DROSHA: variants seen among roughly 807,000 people sequenced by gnomAD.
The protein encoded by DROSHA is drosha ribonuclease III.
A neutral mutation model predicts 181.9 loss-of-function variants in DROSHA; 56 were observed. The observed-to-expected ratio is 0.31, with a 90% confidence interval of 0.25 to 0.38. The LOEUF is 0.38. Among genes scored for constraint, DROSHA ranks in the 10% least tolerant of loss-of-function variants. The pLI is 1.00. For missense variants in DROSHA, 1,218 were observed against 1,743.5 expected, an observed-to-expected ratio of 0.70 and a Z score of 5.37; for synonymous variants, 524 against 591.2, an observed-to-expected ratio of 0.89 and a Z score of 1.65.
At chr5:31,528,993 C>G (rs1489072548) in intron 4 of DROSHA, 47 bp downstream of exon 4, 7 of 1,609,822 alleles carry the variant, frequency 4.3e-6, no homozygotes, top group Non-Finnish European at 5.9e-6. Context: ...ATGTCTGCTC[C>G]TCTCTCGGTT....
chr5:31,438,010 A>T (rs1417912257), intron 23 of DROSHA, among the ~76,000 whole-genome samples: 1 of 152,242 alleles, frequency 6.6e-6, no homozygotes, highest in African/African-American at 2.4e-5. Context: ...GCCCCTCATC[A>T]AAATTAATAC....
rs1235849527 is a variant in DROSHA, at chr5:31,478,452, C to A, written c.2071+5102G>T. On this transcript the variant is annotated intron_variant, in intron 16 of 35. Transcript: ENST00000344624. ...CTAAACTGTAAAAGACTAGTAACAT[C>A]CTGGCCAGGTGTGATGGCTCACGCC... 3.9e-5 allele frequency among the ~76,000 whole-genome samples: 6 copies of A among 152,182 alleles called. No individual in the cohort carries two copies. In the East Asian group the frequency reaches 1.2e-3, roughly 29 times the overall value.
At chr5:31,456,138 G>A (rs1386804054) in intron 20 of DROSHA, among the ~76,000 whole-genome samples, 1 of 152,116 alleles carries the variant, frequency 6.6e-6, no homozygotes, top group African/African-American at 2.4e-5. Flanking sequence ...CTTGAGGAAT[G>A]TTTTAGAAAA....
intron 10 of DROSHA, chr5:31,505,882 C>G (rs1379785937): frequency 2.0e-5 from 3 of 151,664 alleles, no homozygotes. Context: ...ATATAAAAGT[C>G]AATAAGACTT....
At chr5:31,402,613 C>T (rs1388123133) in intron 35 of DROSHA, among the ~76,000 whole-genome samples, 2 of 152,050 alleles carry the variant, frequency 1.3e-5, no homozygotes. Flanking sequence ...GGGTCAGGTA[C>T]CCCCATGGAT....
chr5:31,482,088 G>A (rs571372842), intron 16 of DROSHA, among the ~76,000 whole-genome samples: 14 of 152,284 alleles, frequency 9.2e-5, no homozygotes, highest in African/African-American at 3.4e-4. Context: ...TTCTGCCCAT[G>A]GGAAGACAGG....
chr5:31,493,937 TTGTGTGTG>T lies in DROSHA; in HGVS notation c.1756-652_1756-645del, dbSNP rs67311624. Among the ~76,000 whole-genome samples, 113 of 144,720 alleles carry T rather than the reference TTGTGTGTG, an allele frequency of 7.8e-4. 1 individual carries two copies. The highest frequency in any genetic ancestry group is 9.6e-4 in the Non-Finnish European group (64 of 66,764). The allele number at this position is 144,720 out of a possible 152,430, so 94.9% of individuals were successfully genotyped here. ...CTTATGCCATTCTTATAACCCACCA[TTGTGTGTG>T]TGTGTGTGTGTGTGTGTGTGTGTGT... On this transcript the variant is annotated intron_variant, in intron 12 of 35. Transcript: ENST00000344624.
rs531619497 is a variant in DROSHA at position 31,486,805 on chromosome 5, G to A, written c.1843-243C>T. 7 of 368,588 alleles carry A rather than the reference G, an allele frequency of 1.9e-5. No homozygotes were observed. In the South Asian group the frequency reaches 3.9e-4, roughly 20 times the overall value. The allele number at this position is 368,588 out of a possible 1,614,324, so 22.8% of individuals were successfully genotyped here. A position where few individuals can be genotyped will look rare whatever the true frequency, so the allele number is the denominator to read the frequency against. ...TGGTGCTTAATTAACAGTATTAGCA[G>A]CAGCAACACAAACATGACAAGAACC... On this transcript the variant is annotated intron_variant, in intron 13 of 35. Coordinates refer to ENST00000344624, the MANE Select transcript of DROSHA (RefSeq NM_001382508.1).
At chr5:31,455,297 GAAGT>G (rs1747521076) in intron 20 of DROSHA, among the ~76,000 whole-genome samples, 1 of 152,028 alleles carries the variant, frequency 6.6e-6, no homozygotes, top group Non-Finnish European at 1.5e-5. Context: ...TAAGATGCAA[GAAGT>G]AATTACTACT....
chr5:31,477,443 C>T (rs184087856), intron 16 of DROSHA, among the ~76,000 whole-genome samples: 85 of 152,244 alleles, frequency 5.6e-4, no homozygotes, highest in African/African-American at 1.9e-3. Context: ...TTCTAAAATA[C>T]GTATTAACAA....
chr5:31,521,663 T>C (rs908314794), intron 5 of DROSHA, among the ~76,000 whole-genome samples: 3 of 152,204 alleles, frequency 2.0e-5, no homozygotes, highest in Non-Finnish European at 4.4e-5. Context: ...ATGAAAGAGC[T>C]CTTAATGCTT....
chr5:31,473,198 G>T (rs1439590822), intron 16 of DROSHA, among the ~76,000 whole-genome samples: 1 of 152,188 alleles, frequency 6.6e-6, no homozygotes, highest in African/African-American at 2.4e-5. Context: ...GGCAGCAATG[G>T]GATGGCACAA....
rs1201857007 is a variant in DROSHA at position 31,463,150 on chromosome 5, C to T, written c.2574+1086G>A. Among the ~76,000 whole-genome samples, 4 of 152,258 alleles carry T rather than the reference C, an allele frequency of 2.6e-5. No homozygotes were observed. The East Asian group carries it at 5.8e-4, about 22-fold the overall frequency. On this transcript the variant is annotated intron_variant, in intron 20 of 35. Coordinates refer to ENST00000344624, the MANE Select transcript of DROSHA (RefSeq NM_001382508.1). The stretch of plus-strand genomic sequence containing the variant: ...TAAAATATTCATCTGAAAGTACTGA[C>T]AGTCATAAGATATTTGTCAATCGGT...
chr5:31,437,347 C>CGGGGGGGGGGGGGGGG, intron 23 of DROSHA, 49 bp from the exon 24 acceptor site: 1 of 1,480,590 alleles, frequency 6.8e-7, no homozygotes, highest in Non-Finnish European at 9.1e-7. Flanking sequence ...TTAACACTCC[C>CGGGGGGGGGGGGGGGG]CCCCACCCAC....
intron 16 of DROSHA, among the ~76,000 whole-genome samples, chr5:31,473,734 A>C (rs1750027438): frequency 6.6e-6 from 1 of 152,240 alleles, no homozygotes; most frequent in Non-Finnish European, 1.5e-5. Flanking sequence ...AAAACTTGAA[A>C]GGAGCAAGGG....
intron 13 of DROSHA, among the ~76,000 whole-genome samples, chr5:31,487,248 C>G (rs557738685): frequency 1.3e-5 from 2 of 152,244 alleles, no homozygotes; most frequent in East Asian, 3.9e-4. Flanking sequence ...TAACAGGTAG[C>G]TTGGTGAACT....
intron 24 of DROSHA, 119 bp downstream of exon 24, chr5:31,437,120 T>G: frequency 1.8e-6 from 2 of 1,103,310 alleles, no homozygotes; most frequent in South Asian, 1.5e-5. Flanking sequence ...ACAAAAGAGA[T>G]AAAATACACG....
intron 16 of DROSHA, among the ~76,000 whole-genome samples, chr5:31,480,178 G>GTGTATATATATATATATATATA (rs1689237016): frequency 1.2e-5 from 1 of 84,898 alleles, no homozygotes; most frequent in South Asian, 4.7e-4. Flanking sequence ...GGCAATGTCA[G>GTGTATATATATATATATATATA]TATATATATA....
rs1580397769 is a variant in DROSHA, at chr5:31,526,822, T to C, written c.111A>G (p.Gln37=). ...ARPSAPSFRP[Q]NLRLLHPQQP... Reference sequence around the variant, plus strand: ...GCTGAGGGTGAAGCAGCCTCAGATTTTGGGGCCTAAAGGATGGTGCTGAGG... The same window carrying C: ...GCTGAGGGTGAAGCAGCCTCAGATTCTGGGGCCTAAAGGATGGTGCTGAGG... Residue 37 remains glutamine, a synonymous_variant, in exon 5 of 36, where the codon CAA becomes CAG. Coordinates refer to ENST00000344624, the MANE Select transcript of DROSHA (RefSeq NM_001382508.1). 6.2e-7 allele frequency: 1 copy of C among 1,613,096 alleles called. No individual in the cohort carries two copies. Among genetic ancestry groups the C allele is most frequent in the East Asian group, 2.2e-5 (1 of 44,864 alleles).
Sources: gnomAD v4.1 joint callset for allele counts (sites outside exome capture counted in the v4.1 genomes callset) on GRCh38, gnomAD v4.1.1 for gene constraint, MANE v1.5 for transcripts, NCBI Gene and HGNC (gene_info 2026-07-23, HGNC 2026-07-21) for gene names.